BNIP1: variants seen among roughly 807,000 people sequenced by gnomAD.
The protein encoded by BNIP1 is vesicle transport protein SEC20.
BNIP1 carries 25 observed loss-of-function variants against 28.5 expected under a neutral mutation model. The ratio of observed to expected loss-of-function variants is 0.88; its 90% confidence interval spans 0.64 to 1.23. The LOEUF (loss-of-function observed/expected upper bound fraction) is 1.23. Among genes scored for constraint, BNIP1 ranks in the 50% most tolerant of loss-of-function variants. BNIP1 has a pLI of 0.00. For missense variants in BNIP1, 276 were observed against 277.0 expected, an observed-to-expected ratio of 1.00 and a Z score of 0.02; for synonymous variants, 118 against 101.7, an observed-to-expected ratio of 1.16 and a Z score of -0.96.
intron 2 of BNIP1, chr5:173,151,636 C>G: frequency 3.1e-6 from 5 of 1,613,028 alleles, no homozygotes; most frequent in African/African-American, 1.3e-5. Context: ...TATTCCCTGA[C>G]AGACTTTTCT....
intron 2 of BNIP1, among the ~76,000 whole-genome samples, chr5:173,150,353 G>A (rs1258014324): frequency 6.6e-6 from 1 of 151,964 alleles, no homozygotes; most frequent in Non-Finnish European, 1.5e-5. Context: ...AAGACAGTCT[G>A]TTCTAAAGCT....
rs1203811571 is a variant in BNIP1 at position 173,158,865 on chromosome 5, T to C, written c.371+20T>C. 6.3e-7 allele frequency: 1 copy of C among 1,588,048 alleles called. No individual in the cohort carries two copies. The highest frequency in any genetic ancestry group is 1.3e-5 in the African/African-American group (1 of 74,296). ...GCAAAGGTACCTATTCTTTTATTTT[T>C]CTGGGCTCCGATAATAATAGATAAC... On this transcript the variant is annotated intron_variant, in intron 4 of 5. Coordinates refer to ENST00000351486, the MANE Select transcript of BNIP1 (RefSeq NM_001205.3).
At chr5:173,160,091 G>A (rs1019095412) in intron 5 of BNIP1, 40 bp downstream of exon 5, 8 of 1,584,524 alleles carry the variant, frequency 5.0e-6, no homozygotes, top group African/African-American at 2.7e-5. Flanking sequence ...TCCCAGAGAC[G>A]CTGCTCTAGG....
intron 2 of BNIP1, among the ~76,000 whole-genome samples, chr5:173,152,550 C>G (rs186980934): frequency 1.3e-5 from 2 of 152,098 alleles, no homozygotes; most frequent in Non-Finnish European, 2.9e-5. Flanking sequence ...GGGGTTTCAC[C>G]GTGTTAGCCA....
At chr5:173,156,078 C>T (rs1760177611) in intron 3 of BNIP1, among the ~76,000 whole-genome samples, 2 of 152,164 alleles carry the variant, frequency 1.3e-5, no homozygotes, top group Admixed American at 6.5e-5. Flanking sequence ...CTGGCAAAAA[C>T]ACAGGCACAG....
intron 5 of BNIP1, chr5:173,160,699 G>A (rs2113860929): frequency 2.4e-6 from 1 of 418,038 alleles, no homozygotes; most frequent in Non-Finnish European, 4.8e-6. Flanking sequence ...AGGGCTCTGG[G>A]GACCCATATG....
intron 5 of BNIP1, chr5:173,161,818 T>C (rs1057395337): frequency 6.6e-6 from 1 of 152,108 alleles, no homozygotes; most frequent in African/African-American, 2.4e-5. Flanking sequence ...TTTCATGATA[T>C]TATGCTGTCT....
chr5:173,146,330 C>T (rs1444931688), intron 1 of BNIP1, among the ~76,000 whole-genome samples: 2 of 152,244 alleles, frequency 1.3e-5, no homozygotes, highest in Non-Finnish European at 2.9e-5. Flanking sequence ...GCCGTGAAAG[C>T]TGGCACCAGT....
At chr5:173,151,804 G>A (rs1760030996) in intron 2 of BNIP1, 1 of 1,506,122 alleles carries the variant, frequency 6.6e-7, no homozygotes, top group Non-Finnish European at 8.9e-7. Context: ...ATTTATTATG[G>A]CACCTAGGAA....
At chr5:173,151,435 TG>T in intron 2 of BNIP1, 1 of 939,180 alleles carries the variant, frequency 1.1e-6, no homozygotes, top group Non-Finnish European at 1.6e-6. Flanking sequence ...TTGCTCAGGC[TG>T]GACTTGAACT....
chr5:173,148,083 AATATATAT>A lies in BNIP1; in HGVS notation c.177+1172_177+1179del, dbSNP rs70984952. On this transcript the variant is annotated intron_variant, in intron 2 of 5. Transcript: ENST00000351486. Reference sequence around the variant, plus strand: ...GTGTCAAAAAAAAAAAAAAAAAAAAAATATATATATATATATATATATATATATATATA... The same window carrying A: ...GTGTCAAAAAAAAAAAAAAAAAAAAAATATATATATATATATATATATATA... Among the ~76,000 whole-genome samples, 120 of 40,234 alleles carry A rather than the reference AATATATAT, an allele frequency of 3.0e-3. 2 individuals are homozygous for A. The highest frequency in any genetic ancestry group is 3.2e-3 in the Non-Finnish European group (83 of 25,914). The allele number at this position is 40,234 out of a possible 152,430, so 26.4% of individuals were successfully genotyped here.
intron 5 of BNIP1, among the ~76,000 whole-genome samples, chr5:173,162,819 C>T (rs1031365004): frequency 7.9e-5 from 12 of 152,134 alleles, no homozygotes; most frequent in Non-Finnish European, 5.9e-5. Flanking sequence ...CTCCAGCTGA[C>T]CCCTACCTGC....
intron 3 of BNIP1, among the ~76,000 whole-genome samples, chr5:173,156,407 C>T (rs564708313): frequency 6.6e-6 from 1 of 152,150 alleles, no homozygotes; most frequent in Non-Finnish European, 1.5e-5. Context: ...ACTTCGGGGG[C>T]CGAGGCAGGA....
Position 173,146,921 on chromosome 5 carries a change from T to G in BNIP1, c.140T>G (p.Val47Gly). Residue 47 changes from valine to glycine, a missense_variant, in exon 2 of 6, where the codon GTA becomes GGA. Coordinates refer to ENST00000351486, the MANE Select transcript of BNIP1 (RefSeq NM_001205.3). ...GCTCTTACTGAACTGAATACTAAAGTAAAAGAGAAATTTCAACAGTTGCGT... is the reference window on the plus strand; with the variant it reads ...GCTCTTACTGAACTGAATACTAAAGGAAAAGAGAAATTTCAACAGTTGCGT... ...LSALTELNTK[V>G]KEKFQQLRHR... 6.2e-7 allele frequency: 1 copy of G among 1,613,832 alleles called. No individual in the cohort carries two copies. Among genetic ancestry groups the G allele is most frequent in the South Asian group, 1.1e-5 (1 of 91,066 alleles).
chr5:173,153,752 G>A (rs1434344803), intron 2 of BNIP1, among the ~76,000 whole-genome samples: 4 of 152,218 alleles, frequency 2.6e-5, no homozygotes, highest in African/African-American at 9.6e-5. Context: ...ATTTTCCTGT[G>A]TCTGTAACCT....
chr5:173,162,737 G>A (rs1760398845), intron 5 of BNIP1, among the ~76,000 whole-genome samples: 1 of 152,016 alleles, frequency 6.6e-6, no homozygotes, highest in Non-Finnish European at 1.5e-5. Flanking sequence ...CATGTCTAGG[G>A]GCTGCCATAT....
In BNIP1 at chr5:173,163,895, A is replaced by C; in HGVS notation, c.661A>C (p.Lys221Gln). ...TCTTGCTACGGTCCTCTATATTGTG[A>C]AAAAGCGGCTCTTTCCATTTTTGTG... Reference protein sequence around the residue: ...LFLATVLYIVKKRLFPFL With the variant: ...LFLATVLYIVQKRLFPFL The change falls in exon 6 of 6, where the codon AAA becomes CAA. Residue 221 changes from lysine (K) to glutamine (Q), a missense_variant. Coordinates refer to ENST00000351486, the MANE Select transcript of BNIP1 (RefSeq NM_001205.3). 6.2e-7 allele frequency: 1 copy of C among 1,604,022 alleles called. No individual in the cohort carries two copies. Among genetic ancestry groups the C allele is most frequent in the Non-Finnish European group, 8.5e-7 (1 of 1,176,016 alleles).
chr5:173,155,238 T>C (rs1449717741), intron 3 of BNIP1, among the ~76,000 whole-genome samples: 1 of 152,160 alleles, frequency 6.6e-6, no homozygotes, highest in Non-Finnish European at 1.5e-5. Flanking sequence ...ATAGTTACAG[T>C]TATATGCCAT....
chr5:173,162,913 T>A (rs1760402694), intron 5 of BNIP1, among the ~76,000 whole-genome samples: 1 of 151,202 alleles, frequency 6.6e-6, no homozygotes, highest in Non-Finnish European at 1.5e-5. Flanking sequence ...CTTTTGTAAC[T>A]TAAGCAAATG....
Sources: gnomAD v4.1 joint callset for allele counts (sites outside exome capture counted in the v4.1 genomes callset) on GRCh38, gnomAD v4.1.1 for gene constraint, MANE v1.5 for transcripts, NCBI Gene and HGNC (gene_info 2026-07-23, HGNC 2026-07-21) for gene names.